The following MRPL1 variants were observed in gnomAD, a reference collection of about 807,000 sequenced individuals.
The protein encoded by MRPL1 is mitochondrial ribosomal protein L1.
A neutral mutation model predicts 38.0 loss-of-function variants in MRPL1; 28 were observed. The observed-to-expected ratio is 0.74, with a 90% CI of 0.55 to 1.01. The LOEUF is 1.01. Ranked by LOEUF, MRPL1 falls within the 50% of genes least tolerant of loss-of-function variation. The pLI, the probability that MRPL1 is intolerant of heterozygous loss-of-function variation, is 0.00. For synonymous variants in MRPL1, 123 were observed against 126.7 expected (o/e 0.97, Z 0.20); for missense variants, 358 against 389.8 (o/e 0.92, Z 0.69).
intron 3 of MRPL1, among the ~76,000 whole-genome samples, chr4:77,884,414 G>A (rs1691833086): frequency 1.3e-5 from 2 of 152,146 alleles, no homozygotes; most frequent in African/African-American, 4.8e-5. Flanking sequence ...AAACTTTGGA[G>A]GGCCTAGAAC....
chr4:77,926,309 T>C (rs1308517206), intron 7 of MRPL1, among the ~76,000 whole-genome samples: 1 of 152,156 alleles, frequency 6.6e-6, no homozygotes, highest in South Asian at 2.1e-4. Context: ...ATATCAATAT[T>C]GAATGCTGAG....
intron 7 of MRPL1, among the ~76,000 whole-genome samples, chr4:77,943,035 T>C (rs1031620332): frequency 4.6e-5 from 7 of 152,202 alleles, no homozygotes; most frequent in African/African-American, 1.7e-4. Context: ...TGTTTCAAGA[T>C]TTAGAGCTCC....
intron 7 of MRPL1, among the ~76,000 whole-genome samples, chr4:77,937,775 T>C (rs751732085): frequency 3.3e-5 from 5 of 152,172 alleles, no homozygotes; most frequent in Non-Finnish European, 5.9e-5. Context: ...GTCTTCATTG[T>C]GAATCTTGAA....
intron 6 of MRPL1, chr4:77,907,229 G>C: frequency 2.2e-6 from 2 of 903,306 alleles, no homozygotes; most frequent in Non-Finnish European, 2.6e-6. Flanking sequence ...TGGTATAGTG[G>C]AATATACCAT....
At chr4:77,925,642 T>C (rs1222355532) in intron 7 of MRPL1, among the ~76,000 whole-genome samples, 2 of 151,938 alleles carry the variant, frequency 1.3e-5, no homozygotes, top group African/African-American at 2.4e-5. Flanking sequence ...CTAAGTTATA[T>C]ATGAGATTTG....
chr4:77,940,531 T>G (rs754891700), intron 7 of MRPL1, among the ~76,000 whole-genome samples: 3 of 151,986 alleles, frequency 2.0e-5, no homozygotes, highest in Non-Finnish European at 4.4e-5. Flanking sequence ...TTTGGATGCC[T>G]TTTCTTTCTC....
At chr4:77,913,970 G>A (rs562506635) in intron 7 of MRPL1, among the ~76,000 whole-genome samples, 1 of 152,194 alleles carries the variant, frequency 6.6e-6, no homozygotes, top group Non-Finnish European at 1.5e-5. Context: ...GGTGGGTGAA[G>A]AGGGGCAGGA....
intron 7 of MRPL1, among the ~76,000 whole-genome samples, chr4:77,931,695 G>A (rs1488070227): frequency 6.6e-6 from 1 of 152,164 alleles, no homozygotes; most frequent in African/African-American, 2.4e-5. Flanking sequence ...TCTTGTGTTG[G>A]TATATACATG....
At chr4:77,887,694 T>A (rs947350062) in intron 5 of MRPL1, among the ~76,000 whole-genome samples, 7 of 152,166 alleles carry the variant, frequency 4.6e-5, no homozygotes, top group African/African-American at 1.7e-4. Flanking sequence ...CTCGGCTAAT[T>A]TTTTTGTAGA....
chr4:77,863,054 CA>C (rs951564778), intron 1 of MRPL1, 175 bp downstream of exon 1: 8 of 746,062 alleles, frequency 1.1e-5, no homozygotes, highest in Non-Finnish European at 1.7e-5. Context: ...TGAAGGGTTT[CA>C]CTCCATTCTG....
chr4:77,924,340 T>C (rs1447088818), intron 7 of MRPL1, among the ~76,000 whole-genome samples: 2 of 152,298 alleles, frequency 1.3e-5, no homozygotes, highest in Middle Eastern at 3.4e-3. Context: ...GGAATTATCT[T>C]TGTCTTTCAA....
intron 8 of MRPL1, 41 bp from the exon 9 acceptor site, chr4:77,952,448 G>A (rs1258335615): frequency 2.9e-6 from 4 of 1,361,284 alleles, no homozygotes; most frequent in Non-Finnish European, 3.2e-6. Context: ...AGGTGGTATT[G>A]CGATATAAAA....
chr4:77,940,214 T>G (rs1560475715), intron 7 of MRPL1, among the ~76,000 whole-genome samples: 2 of 152,236 alleles, frequency 1.3e-5, no homozygotes, highest in Non-Finnish European at 2.9e-5. Context: ...GTCTATGATT[T>G]CTTTCAGCAG....
At chr4:77,951,555 C>A (rs916658351) in intron 8 of MRPL1, among the ~76,000 whole-genome samples, 1 of 152,190 alleles carries the variant, frequency 6.6e-6, no homozygotes, top group Non-Finnish European at 1.5e-5. Flanking sequence ...GAAAATATGA[C>A]ATGAGTTCTA....
chr4:77,949,871 GA>G lies in MRPL1; in HGVS notation c.854del (p.Asn285IlefsTer21), dbSNP rs1472094845. On this transcript the variant is annotated frameshift_variant, in exon 8 of 9. Coordinates refer to ENST00000315567, the MANE Select transcript of MRPL1 (RefSeq NM_020236.4). LOFTEE classifies it high-confidence loss of function. ...ATGAAGTTTGTAGGCACAGACCGCT[GA>G]ATTTGGGTAAGTGGTTTGCTGAGGG... is the stretch of plus-strand genomic sequence containing the variant. ...INEVCRHRPL[N>X]LGPFVVRAFL... 1.2e-6 allele frequency: 2 copies of G among 1,606,676 alleles called. No homozygotes were observed. The highest frequency in any genetic ancestry group is 1.7e-6 in the Non-Finnish European group (2 of 1,175,614).
chr4:77,897,279 T>C (rs1209965015), intron 6 of MRPL1, among the ~76,000 whole-genome samples: 2 of 151,994 alleles, frequency 1.3e-5, no homozygotes, highest in African/African-American at 4.8e-5. Flanking sequence ...GTCTCGAACT[T>C]CTGACCTCAG....
intron 5 of MRPL1, among the ~76,000 whole-genome samples, chr4:77,890,604 A>G (rs967532968): frequency 1.2e-4 from 19 of 152,280 alleles, no homozygotes; most frequent in Non-Finnish European, 4.4e-5. Flanking sequence ...TCTCACTCCT[A>G]TTCAACATAG....
chr4:77,920,529 A>G (rs1465564088), intron 7 of MRPL1, among the ~76,000 whole-genome samples: 1 of 152,204 alleles, frequency 6.6e-6, no homozygotes, highest in Non-Finnish European at 1.5e-5. Flanking sequence ...TAGCTCTAGT[A>G]AGCTCTTTCC....
At chr4:77,929,285 A>G (rs1736791471) in intron 7 of MRPL1, among the ~76,000 whole-genome samples, 2 of 152,200 alleles carry the variant, frequency 1.3e-5, no homozygotes, top group African/African-American at 2.4e-5. Flanking sequence ...AATAAAAACA[A>G]AAACAAATTT....
Sources: allele counts gnomAD v4.1 joint callset (sites outside exome capture counted in the v4.1 genomes callset), GRCh38; gene constraint gnomAD v4.1.1; transcripts MANE v1.5; gene names NCBI Gene and HGNC (gene_info 2026-07-23, HGNC 2026-07-21).